Variants in FNDC3B observed in about 807,000 individuals in gnomAD.
The protein encoded by FNDC3B is fibronectin type III domain containing 3B.
Under a neutral mutation model 151.5 loss-of-function variants are expected in FNDC3B, and 12 were observed. The observed-to-expected ratio is 0.08, with a 90% CI of 0.05 to 0.13. FNDC3B has a LOEUF of 0.13. FNDC3B is among the 10% of genes least tolerant of loss of function. FNDC3B has a pLI of 1.00. For missense variants in FNDC3B, 1,214 were observed against 1,505.3 expected (o/e 0.81, Z 3.20); for synonymous variants, 528 against 549.0 (o/e 0.96, Z 0.54).
At chr3:172,067,362 G>A (rs146564720) in intron 1 of FNDC3B, among the ~76,000 whole-genome samples, 1 of 152,266 alleles carries the variant, frequency 6.6e-6, no homozygotes, top group African/African-American at 2.4e-5. Flanking sequence ...GATGAAAGTG[G>A]TGTGGAGATG....
chr3:172,238,401 C>T (rs1341072601), intron 4 of FNDC3B, among the ~76,000 whole-genome samples: 7 of 152,154 alleles, frequency 4.6e-5, no homozygotes, highest in Admixed American at 2.0e-4. Context: ...AGCAGTCGCC[C>T]GCCTTGGCCT....
intron 3 of FNDC3B, among the ~76,000 whole-genome samples, chr3:172,149,470 C>T (rs1722099947): frequency 6.6e-6 from 1 of 152,120 alleles, no homozygotes; most frequent in Non-Finnish European, 1.5e-5. Context: ...ATTATTTTTA[C>T]CACCCCTTTT....
chr3:172,300,016 G>A (rs1576887674), intron 9 of FNDC3B, among the ~76,000 whole-genome samples: 1 of 152,230 alleles, frequency 6.6e-6, no homozygotes, highest in Non-Finnish European at 1.5e-5. Context: ...GGCATAAAGT[G>A]CACATCTGCT....
chr3:172,262,716 A>G (rs1553779539), intron 6 of FNDC3B, among the ~76,000 whole-genome samples: 2 of 150,332 alleles, frequency 1.3e-5, no homozygotes, highest in South Asian at 4.2e-4. Context: ...CAGCCTGGAC[A>G]GCATAGCAAG....
chr3:172,145,933 C>G (rs1239366906), intron 3 of FNDC3B, among the ~76,000 whole-genome samples: 4 of 151,724 alleles, frequency 2.6e-5, no homozygotes, highest in Non-Finnish European at 4.4e-5. Context: ...CCTGCCTCAG[C>G]CTCCTGAGTA....
At chr3:172,041,205 T>C (rs895075922) in intron 1 of FNDC3B, among the ~76,000 whole-genome samples, 17 of 152,248 alleles carry the variant, frequency 1.1e-4, no homozygotes, top group African/African-American at 3.9e-4. Context: ...CTTAATCATA[T>C]TTTGGAACGG....
At chr3:172,317,434 T>TCGGCCTCCCAAAGTGCTGGGATCACG (rs1242663670) in intron 11 of FNDC3B, among the ~76,000 whole-genome samples, 47 of 152,318 alleles carry the variant, frequency 3.1e-4, no homozygotes, top group African/African-American at 7.9e-4. Flanking sequence ...TCCGCCTGCC[T>TCGGCCTCCCAAAGTGCTGGGATCACG]CGGCCTCCCA....
At chr3:172,116,674 T>C (rs967456653) in intron 2 of FNDC3B, among the ~76,000 whole-genome samples, 1 of 152,168 alleles carries the variant, frequency 6.6e-6, no homozygotes, top group Non-Finnish European at 1.5e-5. Flanking sequence ...CAAGCAATTC[T>C]CCTGCCTCAG....
intron 11 of FNDC3B, among the ~76,000 whole-genome samples, chr3:172,322,922 A>G (rs1198031388): frequency 1.3e-5 from 2 of 152,134 alleles, no homozygotes; most frequent in Non-Finnish European, 2.9e-5. Flanking sequence ...ACCCAAACAG[A>G]CTGTTTATCT....
At chr3:172,255,117 C>T (rs2108780703) in intron 6 of FNDC3B, among the ~76,000 whole-genome samples, 1 of 152,240 alleles carries the variant, frequency 6.6e-6, no homozygotes, top group East Asian at 1.9e-4. Context: ...ATCTGGCAGC[C>T]TTTTCCCTTC....
At chr3:172,097,486 A>C (rs988012754) in intron 1 of FNDC3B, among the ~76,000 whole-genome samples, 1 of 152,252 alleles carries the variant, frequency 6.6e-6, no homozygotes, top group Non-Finnish European at 1.5e-5. Flanking sequence ...AAACAATCAC[A>C]TGGTGCAAAG....
chr3:172,098,303 C>T (rs1312238200), intron 1 of FNDC3B, among the ~76,000 whole-genome samples: 4 of 152,120 alleles, frequency 2.6e-5, no homozygotes, highest in Non-Finnish European at 5.9e-5. Context: ...TTTTCATTCA[C>T]CAGTTGATTT....
rs369803099 is a variant in FNDC3B, at chr3:172,339,542, G to A, written c.1853-1571G>A. On this transcript the variant is annotated intron_variant, in intron 16 of 25. Transcript: ENST00000415807. ...CGCACCACTGCACTTAAGCCTGGGC[G>A]ACAGAGTAAGACTCTGTCTCGGAAG... 2.2e-4 allele frequency among the ~76,000 whole-genome samples: 33 copies of A among 152,260 alleles called. No homozygotes were observed. In the South Asian group the frequency reaches 6.4e-3, roughly 30 times the overall value.
At chr3:172,386,945 A>G (rs1216660695) in intron 25 of FNDC3B, among the ~76,000 whole-genome samples, 1 of 151,994 alleles carries the variant, frequency 6.6e-6, no homozygotes, top group African/African-American at 2.4e-5. Context: ...TGACCAAACT[A>G]TTTTAAAGTC....
At chr3:172,384,511 A>G (rs1735606330) in intron 25 of FNDC3B, among the ~76,000 whole-genome samples, 1 of 152,248 alleles carries the variant, frequency 6.6e-6, no homozygotes, top group Admixed American at 6.5e-5. Flanking sequence ...GAAATTTTAC[A>G]ACATATCATT....
chr3:172,351,869 G>A (rs1576938160), intron 21 of FNDC3B, among the ~76,000 whole-genome samples: 1 of 152,320 alleles, frequency 6.6e-6, no homozygotes, highest in African/African-American at 2.4e-5. Context: ...GGGATGAGGA[G>A]CTGTGTGGAC....
At chr3:172,189,426 C>T (rs1051629092) in intron 3 of FNDC3B, among the ~76,000 whole-genome samples, 6 of 152,178 alleles carry the variant, frequency 3.9e-5, no homozygotes, top group African/African-American at 1.4e-4. Context: ...AACAGGTGAT[C>T]ACCATGGCAA....
Position 172,103,551 on chromosome 3 carries a change from G to T in FNDC3B, c.-28-8901G>T, listed in dbSNP as rs180799957. ...TAAAAAGCATCTATGGATTCTTGAAGGCAGGGCCTATACAATAGGGACATC... is the reference window on the plus strand; with the variant it reads ...TAAAAAGCATCTATGGATTCTTGAATGCAGGGCCTATACAATAGGGACATC... On this transcript the variant is annotated intron_variant, in intron 1 of 25. Coordinates refer to ENST00000415807, the MANE Select transcript of FNDC3B (RefSeq NM_022763.4). 7.2e-5 allele frequency among the ~76,000 whole-genome samples: 11 copies of T among 152,196 alleles called. No individual in the cohort carries two copies. In the East Asian group the frequency reaches 1.7e-3, roughly 24 times the overall value.
intron 25 of FNDC3B, among the ~76,000 whole-genome samples, chr3:172,393,401 T>C (rs567048642): frequency 1.3e-5 from 2 of 152,308 alleles, no homozygotes; most frequent in South Asian, 2.1e-4. Flanking sequence ...AAGGGAGGGA[T>C]AAATTGCAAT....
Sources: allele counts gnomAD v4.1 joint callset (sites outside exome capture counted in the v4.1 genomes callset), GRCh38; gene constraint gnomAD v4.1.1; transcripts MANE v1.5; gene names NCBI Gene and HGNC (gene_info 2026-07-23, HGNC 2026-07-21).